ILF2: variants seen among roughly 807,000 people sequenced by gnomAD.
The protein encoded by ILF2 is interleukin enhancer binding factor 2.
Under a neutral mutation model 55.3 loss-of-function variants are expected in ILF2, and 9 were observed. That is an observed-to-expected ratio of 0.16 (90% CI 0.10 to 0.28). The LOEUF (loss-of-function observed/expected upper bound fraction) is 0.28. ILF2 is among the 10% of genes least tolerant of loss of function. The probability of loss-of-function intolerance (pLI) is 1.00; values close to 1 mark genes in which losing one functional copy is unlikely to be tolerated. For missense variants in ILF2, 266 were observed against 474.9 expected, an observed-to-expected ratio of 0.56 and a Z score of 4.09; for synonymous variants, 151 against 161.8, an observed-to-expected ratio of 0.93 and a Z score of 0.50.
At chr1:153,665,638 T>TA in intron 7 of ILF2, 25 bp downstream of exon 7, 1 of 1,596,746 alleles carries the variant, frequency 6.3e-7, no homozygotes, top group Non-Finnish European at 8.6e-7. Flanking sequence ...GGCTACTAAA[T>TA]ACAGAATCAG....
rs1458770186 is a variant in ILF2, at chr1:153,664,145, G to A, written c.657-15C>T. 2.6e-6 allele frequency: 4 copies of A among 1,520,536 alleles called. No individual in the cohort carries two copies. 94.2% of individuals were successfully genotyped at this position (1,520,536 alleles called of 1,614,324 possible). The stretch of plus-strand genomic sequence containing the variant: ...GAACTTTAACTCTGAAAGTAATAGT[G>A]ACCCAAACATTAAAATCAATACGAT... On this transcript the variant is annotated splice_polypyrimidine_tract_variant and intron_variant, in intron 9 of 13. Transcript: ENST00000361891.
chr1:153,669,138 G>A lies in ILF2; in HGVS notation c.109-581C>T, dbSNP rs550532794. Among the ~76,000 whole-genome samples the A allele has an allele frequency of 5.9e-5, 9 of 152,124 alleles. No homozygotes were observed. In the East Asian group the frequency reaches 1.7e-3, roughly 29 times the overall value. The stretch of plus-strand genomic sequence containing the variant: ...GCAGGAGAATCGTTTGAACCCTGGA[G>A]GCAGAGGTCCTGATTCCTCTGCCTC... On this transcript the variant is annotated intron_variant, in intron 3 of 13. Coordinates refer to ENST00000361891, the MANE Select transcript of ILF2 (RefSeq NM_004515.4).
intron 3 of ILF2, among the ~76,000 whole-genome samples, 167 bp downstream of exon 3, chr1:153,669,669 G>A (rs1669395405): frequency 6.6e-6 from 1 of 152,058 alleles, no homozygotes; most frequent in Non-Finnish European, 1.5e-5. Context: ...TCAAACTCCT[G>A]ACCTTCAGGT....
In ILF2 at chr1:153,665,203, G is replaced by GA. The variant is rs753232413; in HGVS notation, c.577+16dup. The GA allele has an allele frequency of 4.2e-5, 61 of 1,438,870 alleles. No individual in the cohort carries two copies. Among genetic ancestry groups the GA allele is most frequent in the Non-Finnish European group, 5.4e-5 (55 of 1,022,490 alleles). The allele number at this position is 1,438,870 out of a possible 1,614,324, so 89.1% of individuals were successfully genotyped here. A position where few individuals can be genotyped will look rare whatever the true frequency, so the allele number is the denominator to read the frequency against. ...ATATCCCCTAAATTTTCCAGCAATG[G>GA]AAAAAAAAGAACTAACAATGGAGTT... On this transcript the variant is annotated intron_variant, in intron 8 of 13. Transcript: ENST00000361891.
At position 153,663,149 on chromosome 1, in the gene ILF2, G is replaced by C; in HGVS notation, c.807-16C>G. The stretch of plus-strand genomic sequence containing the variant: ...CAAGCAGCGCCTAGAACACAGGGAG[G>C]TATGAGGTATTAAAGGAATGCACAA... On this transcript the variant is annotated splice_polypyrimidine_tract_variant and intron_variant, in intron 11 of 13. Transcript: ENST00000361891. The C allele has an allele frequency of 6.2e-7, 1 of 1,613,568 alleles. No individual in the cohort carries two copies. The highest frequency in any genetic ancestry group is 8.5e-7 in the Non-Finnish European group (1 of 1,179,492).
At chr1:153,668,192 C>T in intron 4 of ILF2, 115 bp from the exon 5 acceptor site, 2 of 809,814 alleles carry the variant, frequency 2.5e-6, no homozygotes, top group Non-Finnish European at 3.9e-6. Flanking sequence ...TGACATAGGG[C>T]TTTAAAAACA....
At position 153,670,161 on chromosome 1, in the gene ILF2, T is replaced by A; in HGVS notation, c.65+10A>T. 6.2e-7 allele frequency: 1 copy of A among 1,613,600 alleles called. No homozygotes were observed. Among genetic ancestry groups the A allele is most frequent in the Non-Finnish European group, 8.5e-7 (1 of 1,179,628 alleles). ...AACCAAGTGCAGAGATGCTAAAAGC[T>A]GGTACTCACCCTCCTCCTGGGCCTC... On this transcript the variant is annotated intron_variant, in intron 2 of 13. Transcript: ENST00000361891.
chr1:153,670,750 C>T (rs893709634), intron 1 of ILF2, among the ~76,000 whole-genome samples, 168 bp downstream of exon 1: 1 of 152,144 alleles, frequency 6.6e-6, no homozygotes, highest in African/African-American at 2.4e-5. Context: ...CAAGTTTCCC[C>T]GCCTCTACCG....
At position 153,661,788 on chromosome 1, in the gene ILF2, C is replaced by T. The variant is rs1476677245; in HGVS notation, c.*608G>A. On this transcript the variant is annotated 3_prime_UTR_variant, in exon 14 of 14. Transcript: ENST00000361891. ...TATTGCACTGGCTTGAATACAGTAG[C>T]AGTGTTGATAGAATCATTTTATTCA... The T allele has an allele frequency of 6.4e-6, 1 of 157,264 alleles. No homozygotes were observed. Among genetic ancestry groups the T allele is most frequent in the African/African-American group, 2.4e-5 (1 of 41,442 alleles). The allele number at this position is 157,264 out of a possible 1,614,324, so 9.7% of individuals were successfully genotyped here.
At position 153,670,898 on chromosome 1, in the gene ILF2, G is replaced by T. The variant is rs985172760; in HGVS notation, c.5+20C>A. 5.0e-6 allele frequency: 8 copies of T among 1,613,904 alleles called. No homozygotes were observed. In the Admixed American group the frequency reaches 1.2e-4, roughly 24 times the overall value. On this transcript the variant is annotated intron_variant, in intron 1 of 13. Coordinates refer to ENST00000361891, the MANE Select transcript of ILF2 (RefSeq NM_004515.4). ...TTCCGTCGAATACCTGAAACCTTTCGACCGCTTCGACCCACTTACCTCATG... is the reference window on the plus strand; with the variant it reads ...TTCCGTCGAATACCTGAAACCTTTCTACCGCTTCGACCCACTTACCTCATG...
At position 153,662,456 on chromosome 1, in the gene ILF2, C is replaced by T; in HGVS notation, c.1113G>A (p.Glu371=). Residue 371 remains glutamate (E), a synonymous_variant, in exon 14 of 14, where the codon GAG becomes GAA. Transcript: ENST00000361891. ...PPEKKEGEEE[E]ENTEEPPQGE... ...CTTGAGGTGGTTCTTCTGTATTCTC[C>T]TCTTCTTCCTCTCCTTCCTTCTTCT... 1.2e-6 allele frequency: 2 copies of T among 1,612,932 alleles called. No individual in the cohort carries two copies. Among genetic ancestry groups the T allele is most frequent in the African/African-American group, 1.3e-5 (1 of 75,034 alleles).
At chr1:153,667,909 A>T in intron 5 of ILF2, 91 bp downstream of exon 5, 1 of 928,744 alleles carries the variant, frequency 1.1e-6, no homozygotes, top group South Asian at 1.5e-5. Context: ...GCTTTGGATA[A>T]TAGACAACTG....
At chr1:153,662,839 C>T in intron 12 of ILF2, 44 bp from the exon 13 acceptor site, 1 of 1,530,878 alleles carries the variant, frequency 6.5e-7, no homozygotes, top group African/African-American at 1.4e-5. Context: ...AATCAAAGGA[C>T]CTTATTTGAG....
Position 153,670,964 on chromosome 1 carries a change from C to A in ILF2, c.-42G>T. ...AACAATGGAGGCCGCACCAACCGCC[C>A]CTTCCTCTGAGTAGCAGACAACTGA... On this transcript the variant is annotated 5_prime_UTR_variant, in exon 1 of 14. Transcript: ENST00000361891. 6.2e-7 allele frequency: 1 copy of A among 1,613,984 alleles called. No homozygotes were observed. The highest frequency in any genetic ancestry group is 8.5e-7 in the Non-Finnish European group (1 of 1,179,798).
At position 153,662,825 on chromosome 1, in the gene ILF2, G is replaced by A. The variant is rs765514809; in HGVS notation, c.922-30C>T. On this transcript the variant is annotated intron_variant, in intron 12 of 13. Coordinates refer to ENST00000361891, the MANE Select transcript of ILF2 (RefSeq NM_004515.4). The stretch of plus-strand genomic sequence containing the variant: ...AGGAAAGCAAAGTGAGAGTAAGCAA[G>A]GAAAATCAAAGGACCTTATTTGAGT... 2.8e-5 allele frequency: 45 copies of A among 1,588,138 alleles called. No individual in the cohort carries two copies. The Admixed American group carries it at 6.0e-4, about 21-fold the overall frequency.
chr1:153,670,482 C>T lies in ILF2; in HGVS notation c.6-252G>A, dbSNP rs536644948. Among the ~76,000 whole-genome samples, 31 of 152,290 alleles carry T rather than the reference C, an allele frequency of 2.0e-4. No individual in the cohort carries two copies. The South Asian group carries it at 4.6e-3, about 22-fold the overall frequency. On this transcript the variant is annotated intron_variant, in intron 1 of 13. Transcript: ENST00000361891. ...TAATAACCCATAATCCTGGGCCACA[C>T]GAATCCTAATACTTCGGAGGCTAAA...
intron 1 of ILF2, 101 bp from the exon 2 acceptor site, chr1:153,670,331 G>C (rs756520964): frequency 6.2e-6 from 7 of 1,124,812 alleles, no homozygotes; most frequent in Non-Finnish European, 9.3e-6. Context: ...CCAACGGTAG[G>C]CAAGAGACCC....
chr1:153,668,101 C>T, intron 4 of ILF2, 24 bp from the exon 5 acceptor site: 5 of 1,511,972 alleles, frequency 3.3e-6, no homozygotes, highest in Non-Finnish European at 3.6e-6. Flanking sequence ...TGAAACAATA[C>T]TTGAAAATGA....
intron 4 of ILF2, 109 bp downstream of exon 4, chr1:153,668,344 T>C (rs1205112324): frequency 1.5e-6 from 2 of 1,349,814 alleles, no homozygotes; most frequent in African/African-American, 1.5e-5. Context: ...AAACCCTTTG[T>C]GGATTTCAGG....
Sources: allele counts gnomAD v4.1 joint callset (sites outside exome capture counted in the v4.1 genomes callset), GRCh38; gene constraint gnomAD v4.1.1; transcripts MANE v1.5; gene names NCBI Gene and HGNC (gene_info 2026-07-23, HGNC 2026-07-21).